ZBTB7C: variants seen among roughly 807,000 people sequenced by gnomAD.
The protein encoded by ZBTB7C is zinc finger and BTB domain-containing protein 7C.
Under a neutral mutation model 25.7 loss-of-function variants are expected in ZBTB7C, and 8 were observed. The observed-to-expected ratio is 0.31, with a 90% CI of 0.18 to 0.56. The LOEUF is 0.56. Ranked by LOEUF, ZBTB7C falls within the 20% of genes least tolerant of loss-of-function variation. The pLI, the probability that ZBTB7C is intolerant of heterozygous loss-of-function variation, is 0.91. For synonymous variants in ZBTB7C, 394 were observed against 369.0 expected (o/e 1.07, Z -0.78); for missense variants, 824 against 855.2 (o/e 0.96, Z 0.46).
At chr18:48,399,799 TC>T (rs2048117905) in intron 1 of ZBTB7C, among the ~76,000 whole-genome samples, 1 of 151,956 alleles carries the variant, frequency 6.6e-6, no homozygotes, top group Non-Finnish European at 1.5e-5. Flanking sequence ...AAACCCCAAA[TC>T]CCCACTCACC....
chr18:48,110,544 G>A (rs1051726304), intron 3 of ZBTB7C, among the ~76,000 whole-genome samples: 3 of 152,206 alleles, frequency 2.0e-5, no homozygotes, highest in Admixed American at 6.5e-5. Context: ...CGTTGTTGGC[G>A]TCAAATTATT....
At chr18:48,032,458 G>A (rs1172319186) in intron 4 of ZBTB7C, among the ~76,000 whole-genome samples, 127 of 101,398 alleles carry the variant, frequency 1.3e-3, no homozygotes, top group African/African-American at 5.1e-3. Flanking sequence ...TTTTTGAGAC[G>A]GAGTCTCGCT....
intron 4 of ZBTB7C, among the ~76,000 whole-genome samples, chr18:48,033,997 C>A (rs896343472): frequency 1.3e-5 from 2 of 152,150 alleles, no homozygotes; most frequent in East Asian, 3.9e-4. Context: ...GCCAAATCTC[C>A]TTCTGGAGTC....
rs566725654 is a variant in ZBTB7C, at chr18:48,389,456, C to T, written c.-304+19770G>A. Among the ~76,000 whole-genome samples the T allele has an allele frequency of 5.3e-4, 67 of 126,422 alleles. 2 individuals are homozygous for T. Among genetic ancestry groups the T allele is most frequent in the African/African-American group, 2.1e-3 (65 of 30,496 alleles). The allele number at this position is 126,422 out of a possible 152,430, so 82.9% of individuals were successfully genotyped here. A position where few individuals can be genotyped will look rare whatever the true frequency, so the allele number is the denominator to read the frequency against. On this transcript the variant is annotated intron_variant, in intron 1 of 4. Coordinates refer to ENST00000590800, the MANE Select transcript of ZBTB7C (RefSeq NM_001318841.2). ...AGTCAGGCCCTTTACTTTCATGACT[C>T]TTGGATTTTTTTTTTTTTTTTTTTT...
rs893701989 is a variant in ZBTB7C at position 48,255,466 on chromosome 18, T to G, written c.-78-69471A>C. Among the ~76,000 whole-genome samples, 4 of 152,052 alleles carry G rather than the reference T, an allele frequency of 2.6e-5. No homozygotes were observed. The East Asian group carries it at 5.8e-4, about 22-fold the overall frequency. On this transcript the variant is annotated intron_variant, in intron 2 of 4. Coordinates refer to ENST00000590800, the MANE Select transcript of ZBTB7C (RefSeq NM_001318841.2). The stretch of plus-strand genomic sequence containing the variant: ...CCCAACAGACCAAACCAAAATGGAG[T>G]GTAACTCACACTGAAGTTCCACACC...
At chr18:48,109,622 A>G (rs1264224342) in intron 3 of ZBTB7C, among the ~76,000 whole-genome samples, 1 of 151,720 alleles carries the variant, frequency 6.6e-6, no homozygotes, top group African/African-American at 2.4e-5. Flanking sequence ...ACACACACAC[A>G]AAACAGTGCA....
chr18:48,302,677 G>A (rs745561372), intron 2 of ZBTB7C, among the ~76,000 whole-genome samples: 8 of 150,058 alleles, frequency 5.3e-5, no homozygotes, highest in Non-Finnish European at 8.9e-5. Context: ...ATTTGAGTCT[G>A]AACCTGAACT....
chr18:48,158,689 A>T (rs1332405825), intron 3 of ZBTB7C, among the ~76,000 whole-genome samples: 2 of 152,126 alleles, frequency 1.3e-5, no homozygotes, highest in Admixed American at 1.3e-4. Flanking sequence ...TTGATTTGGC[A>T]GTGAAGTAGA....
intron 3 of ZBTB7C, among the ~76,000 whole-genome samples, chr18:48,056,248 G>A (rs762748884): frequency 2.0e-5 from 3 of 152,276 alleles, no homozygotes; most frequent in Non-Finnish European, 4.4e-5. Context: ...TCAATGGAAA[G>A]ATACAACTCG....
intron 2 of ZBTB7C, among the ~76,000 whole-genome samples, chr18:48,308,401 CT>C (rs909267792): frequency 2.6e-5 from 4 of 152,094 alleles, no homozygotes; most frequent in Non-Finnish European, 4.4e-5. Flanking sequence ...CACCTTTCCA[CT>C]TTTGGGGGTC....
chr18:48,217,314 TC>T (rs2042847400), intron 2 of ZBTB7C, among the ~76,000 whole-genome samples: 1 of 152,112 alleles, frequency 6.6e-6, no homozygotes, highest in Admixed American at 6.5e-5. Flanking sequence ...GTCCTTCCTG[TC>T]CCCAAGAAGC....
rs746888821 is a variant in ZBTB7C at position 48,144,773 on chromosome 18, T to C, written c.-17+41161A>G. Among the ~76,000 whole-genome samples, 27 of 152,134 alleles carry C rather than the reference T, an allele frequency of 1.8e-4. 1 individual carries two copies. Among genetic ancestry groups the C allele is most frequent in the Non-Finnish European group, 4.4e-5 (3 of 68,032 alleles). On this transcript the variant is annotated intron_variant, in intron 3 of 4. Coordinates refer to ENST00000590800, the MANE Select transcript of ZBTB7C (RefSeq NM_001318841.2). ...TTTGTCTTCACTCCCGATTGAGGGA[T>C]TGGGGAGTCCATGGGAGAGTTCTAC...
At chr18:48,305,840 T>C (rs1225315443) in intron 2 of ZBTB7C, among the ~76,000 whole-genome samples, 1 of 152,142 alleles carries the variant, frequency 6.6e-6, no homozygotes, top group Non-Finnish European at 1.5e-5. Context: ...GTCACTTGCC[T>C]ACTCCCCTCA....
rs778974025 is a variant in ZBTB7C, at chr18:48,040,670, T to TTCG, written c.435_437dup (p.Asp145dup). On this transcript the variant is annotated inframe_insertion, in exon 4 of 5. Coordinates refer to ENST00000590800, the MANE Select transcript of ZBTB7C (RefSeq NM_001318841.2). ...CTTCGTCCTCCTCATCATCATCATCTTCGTCGTCGTCATCGTCCTCCTTGT... is the reference window on the plus strand; with the variant it reads ...CTTCGTCCTCCTCATCATCATCATCTTCGTCGTCGTCGTCATCGTCCTCCTTGT... The TTCG allele has an allele frequency of 1.2e-6, 2 of 1,613,190 alleles. No individual in the cohort carries two copies. Among genetic ancestry groups the TTCG allele is most frequent in the Non-Finnish European group, 1.7e-6 (2 of 1,179,726 alleles).
chr18:48,364,597 G>A (rs746823612), intron 1 of ZBTB7C, among the ~76,000 whole-genome samples: 52 of 152,192 alleles, frequency 3.4e-4, no homozygotes, highest in Non-Finnish European at 2.8e-4. Context: ...GAGGAAGGCT[G>A]AGGTCAGATT....
intron 3 of ZBTB7C, among the ~76,000 whole-genome samples, chr18:48,075,712 T>C (rs1568197871): frequency 6.6e-6 from 1 of 151,904 alleles, no homozygotes. Flanking sequence ...GGTAGAAAGG[T>C]AGAAATGACA....
chr18:48,320,109 G>A (rs528739242), intron 2 of ZBTB7C, among the ~76,000 whole-genome samples: 5 of 151,468 alleles, frequency 3.3e-5, no homozygotes, highest in African/African-American at 1.2e-4. Context: ...GGCAGAGAAG[G>A]CTTCACCGAG....
At chr18:48,030,785 G>A (rs1043902110) in intron 4 of ZBTB7C, among the ~76,000 whole-genome samples, 1 of 152,230 alleles carries the variant, frequency 6.6e-6, no homozygotes, top group Non-Finnish European at 1.5e-5. Flanking sequence ...CAGGGCTCAT[G>A]GAAAGAACCT....
rs972483509 is a variant in ZBTB7C at position 48,095,430 on chromosome 18, C to T, written c.-16-54307G>A. Among the ~76,000 whole-genome samples the T allele has an allele frequency of 3.3e-5, 5 of 152,146 alleles. No individual in the cohort carries two copies. In the South Asian group the frequency reaches 6.2e-4, roughly 19 times the overall value. On this transcript the variant is annotated intron_variant, in intron 3 of 4. Coordinates refer to ENST00000590800, the MANE Select transcript of ZBTB7C (RefSeq NM_001318841.2). ...CAATAAATGATTATTGGGCCGAGCA[C>T]GGTGGCTCATGCCACCCATGTAACT... is the stretch of plus-strand genomic sequence containing the variant.
Sources: gnomAD v4.1 joint callset for allele counts (sites outside exome capture counted in the v4.1 genomes callset) on GRCh38, gnomAD v4.1.1 for gene constraint, MANE v1.5 for transcripts, NCBI Gene and HGNC (gene_info 2026-07-23, HGNC 2026-07-21) for gene names.